The following ERBB4 variants were observed in gnomAD, a reference collection of about 807,000 sequenced individuals.
ERBB4 encodes the protein erb-b2 receptor tyrosine kinase 4.
In ERBB4, 42 loss-of-function variants were observed where a neutral mutation model predicts 158.0. That is an observed-to-expected ratio of 0.27 (90% CI 0.21 to 0.34). ERBB4 has a LOEUF of 0.34. ERBB4 is among the 10% of genes least tolerant of loss of function. The probability of loss-of-function intolerance (pLI) is 1.00; values close to 1 mark genes in which losing one functional copy is unlikely to be tolerated. For missense variants in ERBB4, 1,333 were observed against 1,624.1 expected, an observed-to-expected ratio of 0.82 and a Z score of 3.08; for synonymous variants, 583 against 558.7, an observed-to-expected ratio of 1.04 and a Z score of -0.61.
At chr2:212,090,129 C>T (rs908255679) in intron 2 of ERBB4, among the ~76,000 whole-genome samples, 24 of 152,286 alleles carry the variant, frequency 1.6e-4, no homozygotes, top group Middle Eastern at 3.4e-3. Context: ...ACATGGTCTG[C>T]TCAACAGACA....
At chr2:212,191,610 G>GTT (rs565964524) in intron 1 of ERBB4, among the ~76,000 whole-genome samples, 1 of 133,264 alleles carries the variant, frequency 7.5e-6, no homozygotes, top group Non-Finnish European at 1.6e-5. Flanking sequence ...TGTTATGCCT[G>GTT]TTATATATAA....
intron 4 of ERBB4, among the ~76,000 whole-genome samples, chr2:211,758,710 G>GC (rs1285349336): frequency 6.6e-6 from 1 of 152,222 alleles, no homozygotes; most frequent in African/African-American, 2.4e-5. Flanking sequence ...GCTTGCCAGA[G>GC]CCACCAAGGG....
At chr2:211,615,450 T>C (rs73078797) in intron 19 of ERBB4, among the ~76,000 whole-genome samples, 2,698 of 151,998 alleles carry the variant, frequency 0.018, 96 homozygotes, top group African/African-American at 0.061. Context: ...AAGGTGCGCC[T>C]TTAGAGTCAT....
intron 2 of ERBB4, among the ~76,000 whole-genome samples, chr2:212,101,429 G>T (rs2079080328): frequency 6.7e-6 from 1 of 150,084 alleles, no homozygotes; most frequent in East Asian, 1.9e-4. Flanking sequence ...GGCGAAGAAA[G>T]ATTTTTTTAA....
At chr2:212,246,162 G>A (rs1283574540) in intron 1 of ERBB4, among the ~76,000 whole-genome samples, 4 of 152,148 alleles carry the variant, frequency 2.6e-5, no homozygotes, top group Non-Finnish European at 4.4e-5. Flanking sequence ...ATATGGAAAT[G>A]ACAGTTCACG....
intron 5 of ERBB4, among the ~76,000 whole-genome samples, chr2:211,744,415 C>G (rs1235162804): frequency 6.6e-6 from 1 of 152,170 alleles, no homozygotes; most frequent in Non-Finnish European, 1.5e-5. Flanking sequence ...CATTCTTCTT[C>G]CATTTAGCTA....
chr2:211,919,657 T>A (rs189572615), intron 3 of ERBB4, among the ~76,000 whole-genome samples: 1 of 151,992 alleles, frequency 6.6e-6, no homozygotes, highest in Non-Finnish European at 1.5e-5. Flanking sequence ...ATTTTTATAT[T>A]TGTAACCCAA....
At chr2:212,167,517 T>C (rs1238610055) in intron 1 of ERBB4, among the ~76,000 whole-genome samples, 8 of 152,160 alleles carry the variant, frequency 5.3e-5, no homozygotes, top group Admixed American at 4.6e-4. Flanking sequence ...CTAACTATTA[T>C]GGAAGACAGT....
intron 19 of ERBB4, among the ~76,000 whole-genome samples, chr2:211,580,812 A>ATATAT (rs1203397849): frequency 2.1e-5 from 1 of 48,304 alleles, no homozygotes; most frequent in African/African-American, 1.1e-4. Context: ...ATATATATAT[A>ATATAT]ATATATATAT....
At chr2:212,361,796 C>T (rs1222380305) in intron 1 of ERBB4, among the ~76,000 whole-genome samples, 2 of 151,636 alleles carry the variant, frequency 1.3e-5, no homozygotes, top group African/African-American at 2.4e-5. Flanking sequence ...TTCTATTCGA[C>T]AATGTCTGGC....
rs1049117676 is a variant in ERBB4, at chr2:211,711,290, TAAG to T, written c.1124+757_1124+759del. Among the ~76,000 whole-genome samples, 14 of 152,290 alleles carry T rather than the reference TAAG, an allele frequency of 9.2e-5. No individual in the cohort carries two copies. The South Asian group carries it at 1.2e-3, about 14-fold the overall frequency. ...GAAATGATCTGATACATGTTCAGAG[TAAG>T]ATTTTGAATTAAAATATATGAGAGA... On this transcript the variant is annotated intron_variant, in intron 9 of 27. Transcript: ENST00000342788.
At chr2:212,083,393 G>A (rs2125473309) in intron 2 of ERBB4, among the ~76,000 whole-genome samples, 1 of 152,098 alleles carries the variant, frequency 6.6e-6, no homozygotes, top group South Asian at 2.1e-4. Flanking sequence ...GGGGAGGAAT[G>A]AGCTGTCACC....
At chr2:212,481,082 C>T (rs1458937701) in intron 1 of ERBB4, among the ~76,000 whole-genome samples, 2 of 152,036 alleles carry the variant, frequency 1.3e-5, no homozygotes, top group Non-Finnish European at 2.9e-5. Context: ...CACATATATA[C>T]ATATAAATAC....
At chr2:211,525,697 G>A (rs2066327789) in intron 20 of ERBB4, among the ~76,000 whole-genome samples, 1 of 152,042 alleles carries the variant, frequency 6.6e-6, no homozygotes, top group Non-Finnish European at 1.5e-5. Flanking sequence ...ACTTTCCCTG[G>A]GCCAAAAGCG....
At chr2:212,332,856 C>T (rs534239865) in intron 1 of ERBB4, among the ~76,000 whole-genome samples, 1 of 151,950 alleles carries the variant, frequency 6.6e-6, no homozygotes, top group South Asian at 2.1e-4. Context: ...ATTTTTCTGC[C>T]AAAAATCACT....
In ERBB4 at chr2:211,489,459, C is replaced by T. The variant is rs887549976; in HGVS notation, c.2488-58359G>A. Among the ~76,000 whole-genome samples the T allele has an allele frequency of 1.3e-4, 20 of 151,874 alleles. 1 individual carries two copies. The highest frequency in any genetic ancestry group is 5.9e-4 in the Admixed American group (9 of 15,204). On this transcript the variant is annotated intron_variant, in intron 20 of 27. Coordinates refer to ENST00000342788, the MANE Select transcript of ERBB4 (RefSeq NM_005235.3). The stretch of plus-strand genomic sequence containing the variant: ...TGTCGAGAGAATCATATGAATTAAA[C>T]GTAAAAAACTTTGAACAATACTAAA...
chr2:212,070,366 T>A (rs2078077324), intron 2 of ERBB4, among the ~76,000 whole-genome samples: 1 of 152,036 alleles, frequency 6.6e-6, no homozygotes, highest in Admixed American at 6.6e-5. Context: ...AAATTCACAC[T>A]GAAATTCAAG....
chr2:212,322,750 T>A (rs2087627016), intron 1 of ERBB4, among the ~76,000 whole-genome samples: 1 of 150,446 alleles, frequency 6.6e-6, no homozygotes, highest in African/African-American at 2.4e-5. Context: ...AAGAAAATGA[T>A]CACTCAAGCA....
intron 1 of ERBB4, among the ~76,000 whole-genome samples, chr2:212,249,785 C>T (rs951103252): frequency 6.6e-6 from 1 of 152,006 alleles, no homozygotes; most frequent in Non-Finnish European, 1.5e-5. Context: ...TGCTTGTCAA[C>T]CAATATACAA....
Sources: gnomAD v4.1 joint callset for allele counts (sites outside exome capture counted in the v4.1 genomes callset) on GRCh38, gnomAD v4.1.1 for gene constraint, MANE v1.5 for transcripts, NCBI Gene and HGNC (gene_info 2026-07-23, HGNC 2026-07-21) for gene names.